OTUD7A: variants seen among roughly 807,000 people sequenced by gnomAD.
OTUD7A encodes the protein OTU domain-containing protein 7A.
A neutral mutation model predicts 65.7 loss-of-function variants in OTUD7A; 12 were observed. The ratio of observed to expected loss-of-function variants is 0.18; its 90% CI spans 0.12 to 0.30. The LOEUF (loss-of-function observed/expected upper bound fraction) is 0.30, where lower values mean the gene tolerates loss of function less well. Among genes scored for constraint, OTUD7A ranks in the 10% least tolerant of loss-of-function variants. The pLI is 1.00. For missense variants in OTUD7A, 1,148 were observed against 1,304.8 expected, an observed-to-expected ratio of 0.88 and a Z score of 1.85; for synonymous variants, 641 against 586.3, an observed-to-expected ratio of 1.09 and a Z score of -1.35.
intron 1 of OTUD7A, among the ~76,000 whole-genome samples, chr15:31,704,494 T>TA (rs958016265): frequency 6.8e-6 from 1 of 146,978 alleles, no homozygotes; most frequent in African/African-American, 2.5e-5. Context: ...CTATTTGAGT[T>TA]ACGTAAGTTC....
intron 1 of OTUD7A, among the ~76,000 whole-genome samples, chr15:31,776,193 G>A (rs62002708): frequency 0.19 from 28,510 of 152,224 alleles, 3,294 homozygotes; most frequent in Middle Eastern, 0.34. Context: ...GCCTGGTACC[G>A]CTCCCAGTAG....
chr15:31,793,634 G>A (rs1216543531), intron 1 of OTUD7A, among the ~76,000 whole-genome samples: 1 of 152,252 alleles, frequency 6.6e-6, no homozygotes, highest in Non-Finnish European at 1.5e-5. Context: ...TGCAGCTAGA[G>A]CCACCAGTGG....
intron 1 of OTUD7A, among the ~76,000 whole-genome samples, chr15:31,760,920 G>GT (rs893690793): frequency 1.2e-4 from 18 of 151,810 alleles, no homozygotes; most frequent in African/African-American, 3.9e-4. Context: ...GTTTTTTTGG[G>GT]TTTTTTTGTT....
chr15:31,691,894 A>G, intron 1 of OTUD7A, among the ~76,000 whole-genome samples: 1 of 43,544 alleles, frequency 2.3e-5, no homozygotes, highest in Non-Finnish European at 5.9e-5. Context: ...TAATCTGATT[A>G]GAAAATCAGC....
At chr15:31,796,165 G>GTGTGTA (rs1446178937) in intron 1 of OTUD7A, among the ~76,000 whole-genome samples, 1 of 147,892 alleles carries the variant, frequency 6.8e-6, no homozygotes, top group African/African-American at 2.5e-5. Flanking sequence ...GTGTGTGTGT[G>GTGTGTA]TATCTATGTA....
In OTUD7A at chr15:31,725,818, C is replaced by T. The variant is rs1375526086; in HGVS notation, c.-99-68741G>A. On this transcript the variant is annotated intron_variant, in intron 1 of 12. Coordinates refer to ENST00000307050, the MANE Select transcript of OTUD7A (RefSeq NM_001382637.1). ...AAGCCTGGTGACCTCCTGATGGCAG[C>T]GCTCCATCAGCCTGGAGGAGAATGG... 2.2e-4 allele frequency among the ~76,000 whole-genome samples: 33 copies of T among 152,244 alleles called. 1 individual carries two copies. The highest frequency in any genetic ancestry group is 5.8e-4 in the East Asian group (3 of 5,182).
chr15:31,868,073 A>G (rs987206792), intron 1 of OTUD7A, among the ~76,000 whole-genome samples: 7 of 152,216 alleles, frequency 4.6e-5, no homozygotes, highest in African/African-American at 1.7e-4. Context: ...CCGTGGGCCT[A>G]AGGCATGAAT....
chr15:31,625,652 C>A (rs1424167967), intron 3 of OTUD7A, among the ~76,000 whole-genome samples: 5 of 152,138 alleles, frequency 3.3e-5, no homozygotes, highest in African/African-American at 9.7e-5. Flanking sequence ...AGAGTTCACT[C>A]ATAGGTGTTT....
At chr15:31,859,293 A>T (rs183924271) in intron 1 of OTUD7A, among the ~76,000 whole-genome samples, 13 of 152,346 alleles carry the variant, frequency 8.5e-5, no homozygotes, top group Admixed American at 8.5e-4. Context: ...AAATAGAGCT[A>T]ATCAATGTAT....
At chr15:31,858,017 G>T (rs1897621653) in intron 1 of OTUD7A, among the ~76,000 whole-genome samples, 1 of 152,136 alleles carries the variant, frequency 6.6e-6, no homozygotes, top group South Asian at 2.1e-4. Flanking sequence ...CAACACCTTG[G>T]GGACAAAAGT....
intron 5 of OTUD7A, among the ~76,000 whole-genome samples, chr15:31,535,379 C>T (rs1887762717): frequency 6.6e-6 from 1 of 152,154 alleles, no homozygotes; most frequent in Non-Finnish European, 1.5e-5. Flanking sequence ...TTGTAAGTTT[C>T]CTGAAGCCTC....
chr15:31,740,283 C>T (rs888847670), intron 1 of OTUD7A, among the ~76,000 whole-genome samples: 1 of 152,164 alleles, frequency 6.6e-6, no homozygotes, highest in East Asian at 1.9e-4. Context: ...GCAGCTGAGG[C>T]CTCTCGGGTT....
intron 4 of OTUD7A, among the ~76,000 whole-genome samples, chr15:31,564,165 G>C (rs1214734070): frequency 6.6e-6 from 1 of 152,192 alleles, no homozygotes; most frequent in African/African-American, 2.4e-5. Flanking sequence ...AAATAGGGAT[G>C]TGAAAACATC....
intron 1 of OTUD7A, among the ~76,000 whole-genome samples, chr15:31,856,676 C>T (rs998159128): frequency 1.3e-5 from 2 of 152,128 alleles, no homozygotes; most frequent in Admixed American, 6.5e-5. Flanking sequence ...CTCAACCCCT[C>T]CTCGCCACAC....
intron 1 of OTUD7A, among the ~76,000 whole-genome samples, chr15:31,860,677 G>GTGAATATATATATATA (rs560896384): frequency 1.4e-5 from 1 of 73,284 alleles, no homozygotes. Flanking sequence ...ATGTATGTGT[G>GTGAATATATATATATA]TATATATATA....
At position 31,530,879 on chromosome 15, in the gene OTUD7A, G is replaced by C. The variant is rs942961107; in HGVS notation, c.551-71C>G. On this transcript the variant is annotated intron_variant, in intron 5 of 12. Transcript: ENST00000307050. ...GGCCACTGGGGGTGTTTGCTAAGGA[G>C]GCATAAACATCAGGGACAGATTTTC... 3 of 1,256,056 alleles carry C rather than the reference G, an allele frequency of 2.4e-6. No individual in the cohort carries two copies. The African/African-American group carries it at 4.5e-5, about 19-fold the overall frequency. The allele number at this position is 1,256,056 out of a possible 1,614,324, so 77.8% of individuals were successfully genotyped here.
At chr15:31,818,311 TG>T (rs764735829) in intron 1 of OTUD7A, among the ~76,000 whole-genome samples, 1 of 152,132 alleles carries the variant, frequency 6.6e-6, no homozygotes, top group Non-Finnish European at 1.5e-5. Context: ...AGTCTCTAAC[TG>T]TATCTTTAAA....
At chr15:31,611,536 A>G (rs764487134) in intron 3 of OTUD7A, among the ~76,000 whole-genome samples, 4 of 152,212 alleles carry the variant, frequency 2.6e-5, no homozygotes, top group Non-Finnish European at 5.9e-5. Context: ...GAACATCTTT[A>G]CTCACATACT....
intron 5 of OTUD7A, among the ~76,000 whole-genome samples, chr15:31,551,246 G>A (rs1888313949): frequency 6.6e-6 from 1 of 152,206 alleles, no homozygotes; most frequent in African/African-American, 2.4e-5. Context: ...ACATCCAGCA[G>A]AACCTAGAAT....
Sources: allele counts gnomAD v4.1 joint callset (sites outside exome capture counted in the v4.1 genomes callset), GRCh38; gene constraint gnomAD v4.1.1; transcripts MANE v1.5; gene names NCBI Gene and HGNC (gene_info 2026-07-23, HGNC 2026-07-21).